Variants in ACOXL observed in about 807,000 individuals in gnomAD.
ACOXL encodes the protein acyl-CoA oxidase like.
In ACOXL, 70 loss-of-function variants were observed where a neutral mutation model predicts 71.9. The observed-to-expected ratio is 0.97, with a 90% confidence interval of 0.80 to 1.19. The LOEUF (loss-of-function observed/expected upper bound fraction) is 1.19, where lower values mean the gene tolerates loss of function less well. Ranked by LOEUF, ACOXL falls within the 50% of genes most tolerant of loss-of-function variation. The pLI, the probability that ACOXL is intolerant of heterozygous loss-of-function variation, is 0.00. For synonymous variants in ACOXL, 253 were observed against 281.6 expected (o/e 0.90, Z 1.02); for missense variants, 703 against 736.3 (o/e 0.95, Z 0.52).
chr2:110,827,657 A>G (rs1463155979), intron 9 of ACOXL, among the ~76,000 whole-genome samples: 1 of 152,126 alleles, frequency 6.6e-6, no homozygotes, highest in Admixed American at 6.5e-5. Flanking sequence ...AGAAGGCAAC[A>G]CTTTCAGGGT....
chr2:111,015,028 TAGG>T lies in ACOXL; in HGVS notation c.1282-16596_1282-16594del, dbSNP rs1446429460. Among the ~76,000 whole-genome samples the T allele has an allele frequency of 3.9e-5, 6 of 152,272 alleles. No individual in the cohort carries two copies. In the East Asian group the frequency reaches 1.2e-3, roughly 29 times the overall value. ...ACTATAAACTTCTCAAAAGAAAACA[TAGG>T]AGAATATCTTTGGGAAGTTGGCATA... is the stretch of plus-strand genomic sequence containing the variant. On this transcript the variant is annotated intron_variant, in intron 14 of 17. Coordinates refer to ENST00000439055, the MANE Select transcript of ACOXL (RefSeq NM_001142807.4).
At position 110,788,244 on chromosome 2, in the gene ACOXL, C is replaced by T. The variant is rs371335490; in HGVS notation, c.159+3429C>T. 5.3e-5 allele frequency among the ~76,000 whole-genome samples: 8 copies of T among 152,244 alleles called. No individual in the cohort carries two copies. In the South Asian group the frequency reaches 1.5e-3, roughly 28 times the overall value. ...AAAAGCTGGAAACAAGCCACATTTCCGTCAACAGAGGAGTGGGTAAACAAA... is the reference window on the plus strand; with the variant it reads ...AAAAGCTGGAAACAAGCCACATTTCTGTCAACAGAGGAGTGGGTAAACAAA... On this transcript the variant is annotated intron_variant, in intron 3 of 17. Coordinates refer to ENST00000439055, the MANE Select transcript of ACOXL (RefSeq NM_001142807.4).
chr2:111,117,879 CCA>C lies in ACOXL; in HGVS notation c.*64_*65del. ...GCCACGACGCTCGCTCCACCGACGC[CCA>C]GAGCTGTGGCCGAGGCCGGGGGCTG... On this transcript the variant is annotated 3_prime_UTR_variant, in exon 18 of 18. Transcript: ENST00000439055. 6.7e-7 allele frequency: 1 copy of C among 1,501,792 alleles called. No individual in the cohort carries two copies. Among genetic ancestry groups the C allele is most frequent in the South Asian group, 1.2e-5 (1 of 80,036 alleles). 93.0% of individuals were successfully genotyped at this position (1,501,792 alleles called of 1,614,324 possible).
intron 10 of ACOXL, among the ~76,000 whole-genome samples, chr2:110,860,928 A>G (rs1693876167): frequency 6.6e-6 from 1 of 152,106 alleles, no homozygotes; most frequent in African/African-American, 2.4e-5. Flanking sequence ...AGCGAGTGTT[A>G]CTCTATTGAG....
intron 1 of ACOXL, among the ~76,000 whole-genome samples, chr2:110,750,401 A>G (rs538218431): frequency 5.9e-5 from 9 of 152,092 alleles, no homozygotes; most frequent in Non-Finnish European, 1.2e-4. Context: ...GGCTCATCTT[A>G]TATTTTCCCT....
chr2:110,911,255 C>T (rs1413834414), intron 11 of ACOXL, among the ~76,000 whole-genome samples: 1 of 151,856 alleles, frequency 6.6e-6, no homozygotes, highest in Non-Finnish European at 1.5e-5. Context: ...AATGAAAATC[C>T]CAGGCCTAAA....
chr2:110,873,795 A>T (rs553826871), intron 10 of ACOXL, among the ~76,000 whole-genome samples: 8 of 152,172 alleles, frequency 5.3e-5, no homozygotes, highest in Non-Finnish European at 2.9e-5. Flanking sequence ...ACGTCTGTCC[A>T]GTAGGGCAGG....
chr2:110,752,677 A>G (rs1679157758), intron 1 of ACOXL, among the ~76,000 whole-genome samples: 1 of 151,734 alleles, frequency 6.6e-6, no homozygotes, highest in Admixed American at 6.6e-5. Flanking sequence ...GTTGCATTGT[A>G]TGTTGCTACA....
At chr2:110,807,030 C>T (rs927748037) in intron 9 of ACOXL, among the ~76,000 whole-genome samples, 5 of 152,196 alleles carry the variant, frequency 3.3e-5, no homozygotes, top group Admixed American at 6.5e-5. Flanking sequence ...TCCTGTTCTC[C>T]GTTCTACTGG....
intron 17 of ACOXL, among the ~76,000 whole-genome samples, chr2:111,106,177 G>A (rs570732556): frequency 1.3e-4 from 19 of 151,976 alleles, no homozygotes; most frequent in South Asian, 2.1e-4. Context: ...AATTACACAC[G>A]TTCCTGACCC....
At chr2:110,958,233 AAG>A (rs1465649858) in intron 12 of ACOXL, among the ~76,000 whole-genome samples, 2 of 152,174 alleles carry the variant, frequency 1.3e-5, no homozygotes, top group Non-Finnish European at 2.9e-5. Context: ...AGATATAGCA[AAG>A]GCCCAGTGAT....
intron 13 of ACOXL, among the ~76,000 whole-genome samples, chr2:110,995,544 A>G (rs1278213932): frequency 6.7e-6 from 1 of 149,408 alleles, no homozygotes; most frequent in Non-Finnish European, 1.5e-5. Flanking sequence ...TGAGTTATAC[A>G]TGAATTGTAT....
At chr2:110,764,898 A>G (rs1180722379) in intron 1 of ACOXL, among the ~76,000 whole-genome samples, 1 of 152,200 alleles carries the variant, frequency 6.6e-6, no homozygotes, top group Non-Finnish European at 1.5e-5. Context: ...TGAAAGTTCT[A>G]GCCTTTTTCT....
At chr2:111,096,689 T>C (rs2068821309) in intron 17 of ACOXL, among the ~76,000 whole-genome samples, 1 of 152,246 alleles carries the variant, frequency 6.6e-6, no homozygotes. Context: ...TTTTGTGTCT[T>C]GTTTCTTCTG....
At chr2:110,927,260 C>G (rs559486154) in intron 11 of ACOXL, among the ~76,000 whole-genome samples, 1 of 152,174 alleles carries the variant, frequency 6.6e-6, no homozygotes, top group Non-Finnish European at 1.5e-5. Context: ...CACCTCTCGC[C>G]AGGCCCCTCC....
intron 1 of ACOXL, among the ~76,000 whole-genome samples, chr2:110,737,875 C>A (rs1559200372): frequency 6.6e-6 from 1 of 152,212 alleles, no homozygotes. Flanking sequence ...TTCTTGGTTA[C>A]CCTTTGTAGA....
chr2:110,909,036 A>T (rs1367577950), intron 11 of ACOXL, 131 bp downstream of exon 11: 5 of 668,350 alleles, frequency 7.5e-6, no homozygotes, highest in Non-Finnish European at 9.7e-6. Context: ...TTAAAATCGG[A>T]TGCCCAGGTT....
chr2:110,751,629 G>T (rs1678976771), intron 1 of ACOXL, among the ~76,000 whole-genome samples: 1 of 152,124 alleles, frequency 6.6e-6, no homozygotes, highest in African/African-American at 2.4e-5. Context: ...TACATTCTCA[G>T]GGCTTTGCCA....
intron 5 of ACOXL, among the ~76,000 whole-genome samples, chr2:110,796,474 T>G (rs948390630): frequency 6.6e-6 from 1 of 152,294 alleles, no homozygotes; most frequent in Non-Finnish European, 1.5e-5. Context: ...TGATGCAAAC[T>G]TTCCAAATCA....
Sources: allele counts gnomAD v4.1 joint callset (sites outside exome capture counted in the v4.1 genomes callset), GRCh38; gene constraint gnomAD v4.1.1; transcripts MANE v1.5; gene names NCBI Gene and HGNC (gene_info 2026-07-23, HGNC 2026-07-21).